ZNF106: variants seen among roughly 807,000 people sequenced by gnomAD.
ZNF106 encodes SH3-domain binding protein 3.
Under a neutral mutation model 195.1 loss-of-function variants are expected in ZNF106, and 67 were observed. The ratio of observed to expected loss-of-function variants is 0.34; its 90% CI spans 0.28 to 0.42. The LOEUF (loss-of-function observed/expected upper bound fraction) is 0.42. ZNF106 is among the 10% of genes least tolerant of loss of function. The pLI is 1.00. For synonymous variants in ZNF106, 784 were observed against 818.6 expected (o/e 0.96, Z 0.72); for missense variants, 2,118 against 2,304.5 (o/e 0.92, Z 1.66).
At chr15:42,434,394 C>T (rs2055191082) in intron 14 of ZNF106, among the ~76,000 whole-genome samples, 1 of 152,188 alleles carries the variant, frequency 6.6e-6, no homozygotes, top group Non-Finnish European at 1.5e-5. Context: ...TTTTAACAAG[C>T]TGTCCAGGTC....
At chr15:42,464,950 T>C (rs2056481442) in intron 3 of ZNF106, among the ~76,000 whole-genome samples, 1 of 152,200 alleles carries the variant, frequency 6.6e-6, no homozygotes, top group Admixed American at 6.5e-5. Context: ...GATGTAACTC[T>C]GCTCCTCATT....
At chr15:42,471,561 T>G (rs1278469993) in intron 2 of ZNF106, among the ~76,000 whole-genome samples, 2 of 152,078 alleles carry the variant, frequency 1.3e-5, no homozygotes, top group Non-Finnish European at 2.9e-5. Flanking sequence ...TGAAACCCTG[T>G]CTCTACTAAA....
At chr15:42,468,204 G>A (rs2056574389) in intron 2 of ZNF106, among the ~76,000 whole-genome samples, 1 of 150,772 alleles carries the variant, frequency 6.6e-6, no homozygotes, top group Non-Finnish European at 1.5e-5. Context: ...AGCCTCCTGA[G>A]TAGCCTCGAT....
chr15:42,419,455 T>C (rs1234880747), intron 20 of ZNF106, among the ~76,000 whole-genome samples: 2 of 152,074 alleles, frequency 1.3e-5, no homozygotes, highest in Non-Finnish European at 2.9e-5. Context: ...GGTAGGGTGA[T>C]TGCTGGAGCC....
At position 42,439,179 on chromosome 15, in the gene ZNF106, T is replaced by C; in HGVS notation, c.4398A>G (p.Ser1466=). The change falls in exon 11 of 22, where the codon TCA becomes TCG. Residue 1466 remains serine (S), a synonymous_variant. Coordinates refer to ENST00000564754, the MANE Select transcript of ZNF106 (RefSeq NM_001366845.3). ...ATGGGCTGTCTGGTTTCTCTTCTCC[T>C]GATTCTGAAGAATCAATGGCTACTA... ...LEVVAIDSSE[S]GEEKPDSPSK... is the part of the protein sequence containing the mutation. The C allele has an allele frequency of 6.2e-7, 1 of 1,614,200 alleles. No homozygotes were observed. Among genetic ancestry groups the C allele is most frequent in the South Asian group, 1.1e-5 (1 of 91,086 alleles).
Position 42,415,415 on chromosome 15 carries a change from C to G in ZNF106, c.*1889G>C. 1 of 454,660 alleles carries G rather than the reference C, an allele frequency of 2.2e-6. No individual in the cohort carries two copies. The highest frequency in any genetic ancestry group is 1.6e-5 in the South Asian group (1 of 64,276). 28.2% of individuals were successfully genotyped at this position (454,660 alleles called of 1,614,324 possible). Reference sequence around the variant, plus strand: ...GGGATTACAGGTGTGAGCCACCAGGCCCGGCCTCCTAGATTAATTCTTGAC... The same window carrying G: ...GGGATTACAGGTGTGAGCCACCAGGGCCGGCCTCCTAGATTAATTCTTGAC... On this transcript the variant is annotated 3_prime_UTR_variant, in exon 22 of 22. Coordinates refer to ENST00000564754, the MANE Select transcript of ZNF106 (RefSeq NM_001366845.3).
chr15:42,462,633 T>C (rs886929927), intron 3 of ZNF106, among the ~76,000 whole-genome samples: 7 of 152,210 alleles, frequency 4.6e-5, no homozygotes, highest in East Asian at 1.9e-4. Context: ...CGTAAATACA[T>C]AGAAAGAGGT....
At chr15:42,429,885 CAT>C (rs1488273925) in intron 14 of ZNF106, among the ~76,000 whole-genome samples, 1 of 151,816 alleles carries the variant, frequency 6.6e-6, no homozygotes, top group Non-Finnish European at 1.5e-5. Flanking sequence ...TAAAAGAACA[CAT>C]GTGGTACAGT....
intron 20 of ZNF106, among the ~76,000 whole-genome samples, chr15:42,419,094 C>T (rs951022993): frequency 4.7e-5 from 7 of 147,798 alleles, no homozygotes; most frequent in African/African-American, 1.3e-4. Flanking sequence ...ACAGGCCGGG[C>T]GTGGTGGCTC....
Position 42,450,311 on chromosome 15 carries a change from A to C in ZNF106, c.1961T>G (p.Ile654Ser). 9 of 1,614,174 alleles carry C rather than the reference A, an allele frequency of 5.6e-6. No individual in the cohort carries two copies. Among genetic ancestry groups the C allele is most frequent in the Non-Finnish European group, 7.6e-6 (9 of 1,180,034 alleles). Reference protein sequence around the residue: ...TADEKEEDDRILKTSRELSTS... With the variant: ...TADEKEEDDRSLKTSRELSTS... ...GGATAGCTCTCTAGAAGTCTTCAGG[A>C]TGCGGTCATCCTCCTCTTTCTCATC... The change falls in exon 5 of 22, where the codon ATC becomes AGC. Residue 654 changes from isoleucine (I) to serine (S), a missense_variant. Physicochemically the swap from Ile to Ser is moderately radical, Grantham distance 142. Coordinates refer to ENST00000564754, the MANE Select transcript of ZNF106 (RefSeq NM_001366845.3).
rs1052406978 is a variant in ZNF106 at position 42,414,756 on chromosome 15, A to G, written c.*2548T>C. On this transcript the variant is annotated 3_prime_UTR_variant, in exon 22 of 22. Transcript: ENST00000564754. ...CCGCAGAGCATTCGAGGCTCTCAGCACACTGCCAGCCAGCGTGAAAATGCG... is the reference window on the plus strand; with the variant it reads ...CCGCAGAGCATTCGAGGCTCTCAGCGCACTGCCAGCCAGCGTGAAAATGCG... 1 of 152,266 alleles carries G rather than the reference A, an allele frequency of 6.6e-6. No individual in the cohort carries two copies. The allele number at this position is 152,266 out of a possible 1,614,324, so 9.4% of individuals were successfully genotyped here. A position where few individuals can be genotyped will look rare whatever the true frequency, so the allele number is the denominator to read the frequency against.
At chr15:42,486,904 A>C (rs2141467111) in intron 1 of ZNF106, among the ~76,000 whole-genome samples, 1 of 152,186 alleles carries the variant, frequency 6.6e-6, no homozygotes, top group Middle Eastern at 3.4e-3. Flanking sequence ...TAATCCCAGC[A>C]CTTTGGGAGG....
At chr15:42,473,023 AC>A (rs1342895305) in intron 1 of ZNF106, among the ~76,000 whole-genome samples, 5 of 151,848 alleles carry the variant, frequency 3.3e-5, no homozygotes, top group African/African-American at 9.7e-5. Context: ...AAAAAAAAAA[AC>A]AAGTTTAAGT....
chr15:42,426,487 A>G lies in ZNF106; in HGVS notation c.4999-1462T>C, dbSNP rs191232925. On this transcript the variant is annotated intron_variant, in intron 15 of 21. Transcript: ENST00000564754. Reference sequence around the variant, plus strand: ...TGATTATAGCTCACTGCAGCCTTGAAGTCCTGGCCCCAAGCAATCCACCTG... The same window carrying G: ...TGATTATAGCTCACTGCAGCCTTGAGGTCCTGGCCCCAAGCAATCCACCTG... Among the ~76,000 whole-genome samples, 89 of 150,666 alleles carry G rather than the reference A, an allele frequency of 5.9e-4. 1 individual carries two copies. The East Asian group carries it at 0.015, about 25-fold the overall frequency.
At chr15:42,479,596 C>T (rs2056856579) in intron 1 of ZNF106, among the ~76,000 whole-genome samples, 1 of 151,992 alleles carries the variant, frequency 6.6e-6, no homozygotes. Flanking sequence ...AATCCTAGCA[C>T]TTTGGGAGGC....
At chr15:42,462,756 T>C (rs2056423284) in intron 3 of ZNF106, among the ~76,000 whole-genome samples, 1 of 152,184 alleles carries the variant, frequency 6.6e-6, no homozygotes, top group African/African-American at 2.4e-5. Context: ...TTTATGATTC[T>C]GTATTGATTA....
At chr15:42,480,303 G>C (rs1170546573) in intron 1 of ZNF106, among the ~76,000 whole-genome samples, 4 of 152,080 alleles carry the variant, frequency 2.6e-5, no homozygotes, top group Non-Finnish European at 5.9e-5. Flanking sequence ...GTTATGATAT[G>C]ATCCCTTTAA....
In ZNF106 at chr15:42,451,021, A is replaced by G; in HGVS notation, c.1251T>C (p.Thr417=). 1 of 1,614,172 alleles carries G rather than the reference A, an allele frequency of 6.2e-7. No individual in the cohort carries two copies. The highest frequency in any genetic ancestry group is 8.5e-7 in the Non-Finnish European group (1 of 1,180,024). ...LITTGIQEPQ[T]DETRNSPTQK... is the part of the protein sequence containing the mutation. ...GTGTTGGGGAATTACGTGTTTCATC[A>G]GTTTGGGGCTCCTGTATTCCTGTAG... Residue 417 remains threonine, a synonymous_variant, in exon 5 of 22, where the codon ACT becomes ACC. Transcript: ENST00000564754.
At position 42,421,908 on chromosome 15, in the gene ZNF106, A is replaced by G; in HGVS notation, c.5445+9T>C. The G allele has an allele frequency of 6.5e-7, 1 of 1,537,428 alleles. No individual in the cohort carries two copies. Among genetic ancestry groups the G allele is most frequent in the African/African-American group, 1.4e-5 (1 of 73,054 alleles). On this transcript the variant is annotated intron_variant, in intron 19 of 21. Transcript: ENST00000564754. ...AAAGCAAATATCTTACATGACAAAT[A>G]ACACTCACCATGCTTTTATGGATGG...
Sources: allele counts gnomAD v4.1 joint callset (sites outside exome capture counted in the v4.1 genomes callset), GRCh38; gene constraint gnomAD v4.1.1; transcripts MANE v1.5; gene names NCBI Gene and HGNC (gene_info 2026-07-23, HGNC 2026-07-21).